Variants in EPAS1 observed in about 807,000 individuals in gnomAD.
EPAS1 encodes the protein endothelial PAS domain-containing protein 1.
Under a neutral mutation model 87.9 loss-of-function variants are expected in EPAS1, and 23 were observed. The observed-to-expected ratio is 0.26, with a 90% confidence interval of 0.19 to 0.37. EPAS1 has a LOEUF of 0.37. Ranked by LOEUF, EPAS1 falls within the 10% of genes least tolerant of loss-of-function variation. The pLI, the probability that EPAS1 is intolerant of heterozygous loss-of-function variation, is 1.00. For synonymous variants in EPAS1, 508 were observed against 444.3 expected, an observed-to-expected ratio of 1.14 and a Z score of -1.80; for missense variants, 1,138 against 1,120.7, an observed-to-expected ratio of 1.02 and a Z score of -0.22.
Position 46,360,857 on chromosome 2 carries a change from A to G in EPAS1, c.574-28A>G, listed in dbSNP as rs1399664597. ...CCCCACCCCCAGCACTCTCGGCTCC[A>G]TGTCTGACCCTTCCACGCCTGTCTC... is the stretch of plus-strand genomic sequence containing the variant. On this transcript the variant is annotated intron_variant, in intron 5 of 15. Transcript: ENST00000263734. The surrounding 1 kb of genome is among the most constrained non-coding windows in gnomAD (Gnocchi z 4.5). The G allele has an allele frequency of 6.2e-7, 1 of 1,613,930 alleles. No homozygotes were observed. Among genetic ancestry groups the G allele is most frequent in the East Asian group, 2.2e-5 (1 of 44,880 alleles).
At chr2:46,379,892 G>C (rs985592214) in intron 11 of EPAS1, 2 of 426,586 alleles carry the variant, frequency 4.7e-6, no homozygotes, top group African/African-American at 4.0e-5. Flanking sequence ...ACAGGCTGGA[G>C]TAGGCAGGGC....
In EPAS1 at chr2:46,384,668, C is replaced by A; in HGVS notation, c.*8C>A. 1 of 1,613,312 alleles carries A rather than the reference C, an allele frequency of 6.2e-7. No homozygotes were observed. The highest frequency in any genetic ancestry group is 2.2e-5 in the East Asian group (1 of 44,872). ...CTGGACCAGGCCACCTGAGCCAGGC[C>A]TTCTACCTGGGCAGCACCTCTGCCG... is the stretch of plus-strand genomic sequence containing the variant. On this transcript the variant is annotated 3_prime_UTR_variant, in exon 16 of 16. Transcript: ENST00000263734.
chr2:46,318,183 C>T (rs1278641559), intron 1 of EPAS1, among the ~76,000 whole-genome samples: 4 of 151,196 alleles, frequency 2.6e-5, no homozygotes, highest in African/African-American at 9.7e-5. Context: ...GAGAGAGATA[C>T]ACACACACAC....
At chr2:46,367,132 T>C (rs547859982) in intron 6 of EPAS1, among the ~76,000 whole-genome samples, 1 of 152,394 alleles carries the variant, frequency 6.6e-6, no homozygotes, top group African/African-American at 2.4e-5. Flanking sequence ...TAGGTTTGTT[T>C]TTCCACTTCC....
intron 1 of EPAS1, among the ~76,000 whole-genome samples, chr2:46,332,291 CGTGTGTGTGTGTGTGT>C (rs57893491): frequency 0.055 from 6,061 of 110,754 alleles, 471 homozygotes; most frequent in African/African-American, 0.17. Context: ...AAAAAAAATA[CGTGTGTGTGTGTGTGT>C]GTGTGTGTGT....
rs2103672836 is a variant in EPAS1, at chr2:46,380,446, C to G, written c.1774C>G (p.Leu592Val). Residue 592 changes from leucine (L) to valine (V), a missense_variant, in exon 12 of 16, where the codon CTG becomes GTG. This residue lies in a region of EPAS1 where 502 missense variants were observed against 427.1 expected (regional missense o/e 1.18). Coordinates refer to ENST00000263734, the MANE Select transcript of EPAS1 (RefSeq NM_001430.5). The surrounding 1 kb of genome is among the most constrained non-coding windows in gnomAD (Gnocchi z 4.4). ...PFLLDKFQQQ[L>V]ESKKTEPEHR... ...CCTCCTGGACAAGTTTCAGCAGCAG[C>G]TGGAGAGCAAGAAGACAGAGCCCGA... 6.2e-7 allele frequency: 1 copy of G among 1,614,160 alleles called. No individual in the cohort carries two copies. The highest frequency in any genetic ancestry group is 8.5e-7 in the Non-Finnish European group (1 of 1,180,030).
At chr2:46,349,162 A>T (rs1684093629) in intron 2 of EPAS1, among the ~76,000 whole-genome samples, 2 of 152,248 alleles carry the variant, frequency 1.3e-5, no homozygotes, top group South Asian at 4.2e-4. Flanking sequence ...AAGGTAGGGG[A>T]ACAAAGGTCA....
chr2:46,353,007 A>G (rs745509183), intron 2 of EPAS1, among the ~76,000 whole-genome samples: 1 of 152,184 alleles, frequency 6.6e-6, no homozygotes, highest in Non-Finnish European at 1.5e-5. Context: ...GGACTAGTTA[A>G]CCCAAATAGG....
intron 1 of EPAS1, among the ~76,000 whole-genome samples, chr2:46,328,449 C>G (rs1683607928): frequency 6.6e-6 from 1 of 152,196 alleles, no homozygotes; most frequent in Non-Finnish European, 1.5e-5. Context: ...GAAGTGCAAG[C>G]TTGAACTCCC....
In EPAS1 at chr2:46,384,699, G is replaced by A. The variant is rs748487311; in HGVS notation, c.*39G>A. The stretch of plus-strand genomic sequence containing the variant: ...CCTGGGCAGCACCTCTGCCGACGCC[G>A]TCCCACCAGCTTCACTCTCTCCGTC... On this transcript the variant is annotated 3_prime_UTR_variant, in exon 16 of 16. Transcript: ENST00000263734. 53 of 1,607,440 alleles carry A rather than the reference G, an allele frequency of 3.3e-5. No homozygotes were observed. The highest frequency in any genetic ancestry group is 6.7e-5 in the Admixed American group (4 of 59,426).
intron 12 of EPAS1, 110 bp from the exon 13 acceptor site, chr2:46,381,486 G>A (rs1684889799): frequency 6.4e-7 from 1 of 1,569,472 alleles, no homozygotes; most frequent in Non-Finnish European, 8.8e-7. Flanking sequence ...TTGGGTCTTT[G>A]AGTCATCACA....
intron 6 of EPAS1, among the ~76,000 whole-genome samples, chr2:46,367,442 T>G (rs1206673598): frequency 1.3e-5 from 2 of 152,214 alleles, no homozygotes; most frequent in Non-Finnish European, 2.9e-5. Context: ...CATGCAGTTC[T>G]AGTTCCCAGG....
At chr2:46,354,566 G>A (rs1264968135) in intron 2 of EPAS1, among the ~76,000 whole-genome samples, 2 of 150,498 alleles carry the variant, frequency 1.3e-5, no homozygotes, top group African/African-American at 4.9e-5. Flanking sequence ...ACTAGATAGG[G>A]CAGGATACTC....
chr2:46,325,217 A>G (rs1683528694), intron 1 of EPAS1, among the ~76,000 whole-genome samples: 1 of 152,244 alleles, frequency 6.6e-6, no homozygotes, highest in South Asian at 2.1e-4. Flanking sequence ...AGAGTCTTAG[A>G]TAATATGGGA....
chr2:46,303,078 G>GAAAGA, intron 1 of EPAS1, among the ~76,000 whole-genome samples: 1 of 152,162 alleles, frequency 6.6e-6, no homozygotes, highest in African/African-American at 2.4e-5. Flanking sequence ...GTCAAAGAAA[G>GAAAGA]AAAGAAAAGA....
Position 46,317,692 on chromosome 2 carries a change from T to C in EPAS1, c.26+19755T>C, listed in dbSNP as rs550685644. ...GACTTCTCCCCTCTTGCAGTGAAAGTCCTAGATGGCATGTTCATCCAGCAT... is the reference window on the plus strand; with the variant it reads ...GACTTCTCCCCTCTTGCAGTGAAAGCCCTAGATGGCATGTTCATCCAGCAT... On this transcript the variant is annotated intron_variant, in intron 1 of 15. Transcript: ENST00000263734. Among the ~76,000 whole-genome samples the C allele has an allele frequency of 1.8e-4, 27 of 152,332 alleles. No individual in the cohort carries two copies. The South Asian group carries it at 5.4e-3, about 30-fold the overall frequency.
intron 11 of EPAS1, among the ~76,000 whole-genome samples, chr2:46,378,986 T>C (rs1357391140): frequency 6.6e-6 from 1 of 152,208 alleles, no homozygotes; most frequent in East Asian, 1.9e-4. Flanking sequence ...CATATGTGTC[T>C]CCTACTTAGA....
At chr2:46,309,025 C>T (rs187445593) in intron 1 of EPAS1, among the ~76,000 whole-genome samples, 143 of 152,342 alleles carry the variant, frequency 9.4e-4, no homozygotes, top group South Asian at 9.3e-3. Flanking sequence ...AAGACCCAGT[C>T]ATTTTTTCCT....
chr2:46,299,629 A>G (rs1001719694), intron 1 of EPAS1, among the ~76,000 whole-genome samples: 34 of 152,216 alleles, frequency 2.2e-4, no homozygotes, highest in African/African-American at 6.8e-4. Context: ...TGCGATGCCT[A>G]TCGGGAATGT....
Sources: gnomAD v4.1 joint callset for allele counts (sites outside exome capture counted in the v4.1 genomes callset) on GRCh38, gnomAD v4.1.1 for gene constraint, gnomAD v4.1.1 regional missense constraint, Gnocchi (gnomAD v3.1) non-coding constraint, MANE v1.5 for transcripts, NCBI Gene and HGNC (gene_info 2026-07-23, HGNC 2026-07-21) for gene names.